The following GSDMC variants were observed in gnomAD, a reference collection of about 807,000 sequenced individuals.
The protein encoded by GSDMC is gasdermin C.
In GSDMC, 59 loss-of-function variants were observed where a neutral mutation model predicts 58.0. The observed-to-expected ratio is 1.02, with a 90% confidence interval of 0.82 to 1.26. The LOEUF is 1.26. Ranked by LOEUF, GSDMC falls within the 50% of genes most tolerant of loss-of-function variation. The pLI, the probability that GSDMC is intolerant of heterozygous loss-of-function variation, is 0.00. For synonymous variants in GSDMC, 241 were observed against 220.2 expected, an observed-to-expected ratio of 1.09 and a Z score of -0.83; for missense variants, 659 against 598.5, an observed-to-expected ratio of 1.10 and a Z score of -1.06.
chr8:129,779,070 A>C (rs1389689542), intron 1 of GSDMC, among the ~76,000 whole-genome samples: 1 of 152,228 alleles, frequency 6.6e-6, no homozygotes, highest in East Asian at 1.9e-4. Context: ...AAAGTCCTAA[A>C]GACAGAAATA....
At chr8:129,712,982 T>G in the GSDMC span, among the ~76,000 whole-genome samples, 7 of 152,292 alleles carry the variant, frequency 4.6e-5, no homozygotes, top group African/African-American at 1.7e-4. Flanking sequence ...GTCAGGGATG[T>G]CGGGGTGAGG....
chr8:129,729,780 A>G, the GSDMC span: 9 of 613,380 alleles, frequency 1.5e-5, no homozygotes, highest in South Asian at 4.2e-5. Context: ...TATGTGAGGC[A>G]CATGAAATTT....
rs1484032104 is a variant in GSDMC at position 129,751,586 on chromosome 8, T to G, written c.917-18A>C. The G allele has an allele frequency of 6.2e-7, 1 of 1,611,188 alleles. No individual in the cohort carries two copies. The highest frequency in any genetic ancestry group is 8.5e-7 in the Non-Finnish European group (1 of 1,177,792). On this transcript the variant is annotated intron_variant, in intron 9 of 13. Coordinates refer to ENST00000276708, the MANE Select transcript of GSDMC (RefSeq NM_031415.3). ...TATTCTTCCTAGAAGGAGAATCAAGTCATCATCTCACTTCCTCATCCCCCC... is the reference window on the plus strand; with the variant it reads ...TATTCTTCCTAGAAGGAGAATCAAGGCATCATCTCACTTCCTCATCCCCCC...
the GSDMC span, chr8:129,707,101 A>G: frequency 6.6e-6 from 1 of 151,996 alleles, no homozygotes; most frequent in Non-Finnish European, 1.5e-5. Context: ...GGTTGCATCT[A>G]TTTAACTCTG....
chr8:129,758,116 C>T (rs948051182), intron 6 of GSDMC, among the ~76,000 whole-genome samples: 4 of 152,222 alleles, frequency 2.6e-5, no homozygotes, highest in Admixed American at 6.5e-5. Context: ...GGACAAAAAC[C>T]GTATGATCAT....
rs2033078835 is a variant in GSDMC, at chr8:129,749,434, C to T, written c.1287+18G>A. Reference sequence around the variant, plus strand: ...CTCACCCTCTTCCCTGAACTTCTGGCCCCTGGGAAGTTCTCACCAGCTCCT... The same window carrying T: ...CTCACCCTCTTCCCTGAACTTCTGGTCCCTGGGAAGTTCTCACCAGCTCCT... On this transcript the variant is annotated intron_variant, in intron 13 of 13. Transcript: ENST00000276708. 4 of 1,565,024 alleles carry T rather than the reference C, an allele frequency of 2.6e-6. No individual in the cohort carries two copies. Among genetic ancestry groups the T allele is most frequent in the South Asian group, 2.2e-5 (2 of 90,108 alleles).
At chr8:129,764,232 G>A (rs994880179) in intron 4 of GSDMC, among the ~76,000 whole-genome samples, 2 of 152,062 alleles carry the variant, frequency 1.3e-5, no homozygotes, top group African/African-American at 4.8e-5. Flanking sequence ...GCTGTTAAAT[G>A]TGCATAGGCA....
intron 6 of GSDMC, among the ~76,000 whole-genome samples, chr8:129,756,423 G>A (rs534476762): frequency 3.2e-4 from 49 of 152,158 alleles, no homozygotes; most frequent in African/African-American, 1.1e-3. Context: ...GAGCTAAAGA[G>A]AGATTATTAG....
the GSDMC span, among the ~76,000 whole-genome samples, chr8:129,742,706 T>A: frequency 6.6e-6 from 1 of 152,200 alleles, no homozygotes; most frequent in Non-Finnish European, 1.5e-5. Context: ...ATCAGAGGGC[T>A]CACCTTGGTT....
intron 9 of GSDMC, 118 bp from the exon 10 acceptor site, chr8:129,751,686 C>T (rs1427641860): frequency 1.8e-6 from 2 of 1,124,000 alleles, no homozygotes; most frequent in Middle Eastern, 2.0e-4. Context: ...TTCTTCCTGC[C>T]CCCATTCCCA....
At chr8:129,719,862 T>C in the GSDMC span, among the ~76,000 whole-genome samples, 2 of 152,138 alleles carry the variant, frequency 1.3e-5, no homozygotes, top group Non-Finnish European at 2.9e-5. Context: ...CAAGAATCTC[T>C]TGAAATCAGG....
rs779309420 is a variant in GSDMC, at chr8:129,777,365, T to G, written c.220+3A>C. 8 of 1,587,490 alleles carry G rather than the reference T, an allele frequency of 5.0e-6. No homozygotes were observed. Among genetic ancestry groups the G allele is most frequent in the Non-Finnish European group, 6.9e-6 (8 of 1,156,134 alleles). On this transcript the variant is annotated splice_donor_region_variant and intron_variant, in intron 2 of 13. Transcript: ENST00000276708. ...CACCTCCTTGGCCTCTGGCTGACAA[T>G]ACCTAGGACTGAAGAACTTGGCTCC...
intron 6 of GSDMC, among the ~76,000 whole-genome samples, chr8:129,754,030 C>T (rs1166793766): frequency 2.0e-5 from 3 of 152,222 alleles, no homozygotes; most frequent in Non-Finnish European, 4.4e-5. Context: ...CAATCCCTAG[C>T]TCCCAAACAG....
intron 3 of GSDMC, among the ~76,000 whole-genome samples, chr8:129,772,082 G>T (rs2034073289): frequency 6.6e-6 from 1 of 152,016 alleles, no homozygotes; most frequent in Non-Finnish European, 1.5e-5. Context: ...GGCTAACACG[G>T]TGAAACTCCG....
the GSDMC span, among the ~76,000 whole-genome samples, chr8:129,721,149 A>C: frequency 6.6e-6 from 1 of 152,056 alleles, no homozygotes; most frequent in Non-Finnish European, 1.5e-5. Context: ...TTACCTATTC[A>C]CCATGTTCTC....
At chr8:129,770,889 T>C (rs1353356505) in intron 3 of GSDMC, among the ~76,000 whole-genome samples, 1 of 151,716 alleles carries the variant, frequency 6.6e-6, no homozygotes, top group African/African-American at 2.4e-5. Flanking sequence ...CTAAAAGAGA[T>C]TCATGTTAGC....
chr8:129,730,045 T>C, the GSDMC span: 2 of 1,176,554 alleles, frequency 1.7e-6, no homozygotes, highest in Non-Finnish European at 2.4e-6. Context: ...AAAAGGAGTA[T>C]TCCTTGAAAA....
At chr8:129,750,821 A>G (rs1339625954) in intron 10 of GSDMC, among the ~76,000 whole-genome samples, 2 of 152,192 alleles carry the variant, frequency 1.3e-5, no homozygotes, top group African/African-American at 4.8e-5. Context: ...GAGATTCTGA[A>G]AAGACATCAT....
chr8:129,722,918 A>G, the GSDMC span: 1 of 152,234 alleles, frequency 6.6e-6, no homozygotes, highest in Non-Finnish European at 1.5e-5. Flanking sequence ...GAGTTCTAAA[A>G]TTGATAGATT....
Sources: gnomAD v4.1 joint callset for allele counts (sites outside exome capture counted in the v4.1 genomes callset) on GRCh38, gnomAD v4.1.1 for gene constraint, MANE v1.5 for transcripts, NCBI Gene and HGNC (gene_info 2026-07-23, HGNC 2026-07-21) for gene names.